CDH23: variants seen among roughly 807,000 people sequenced by gnomAD.
The protein encoded by CDH23 is cadherin related 23.
In CDH23, 189 loss-of-function variants were observed where a neutral mutation model predicts 317.1. The observed-to-expected ratio is 0.60, with a 90% confidence interval of 0.53 to 0.67. The LOEUF (loss-of-function observed/expected upper bound fraction) is 0.67, where lower values mean the gene tolerates loss of function less well. Among genes scored for constraint, CDH23 ranks in the 30% least tolerant of loss-of-function variants. The pLI is 0.00. For missense variants in CDH23, 4,401 were observed against 4,592.4 expected (o/e 0.96, Z 1.20); for synonymous variants, 1,839 against 1,876.8 (o/e 0.98, Z 0.52).
intron 14 of CDH23, 28 bp from the exon 15 acceptor site, chr10:71,675,084 T>C (rs765863728): frequency 3.1e-6 from 5 of 1,609,412 alleles, no homozygotes; most frequent in Non-Finnish European, 4.3e-6. Context: ...GGCCTGGCAG[T>C]AATGACTTCT....
intron 18 of CDH23, among the ~76,000 whole-genome samples, chr10:71,687,305 G>A (rs1014949661): frequency 6.6e-6 from 1 of 152,310 alleles, no homozygotes; most frequent in South Asian, 2.1e-4. Flanking sequence ...GTGAGTGCTG[G>A]AGTGAGCCTG....
intron 6 of CDH23, among the ~76,000 whole-genome samples, chr10:71,523,705 A>G (rs555882196): frequency 1.3e-5 from 2 of 152,288 alleles, no homozygotes; most frequent in East Asian, 3.9e-4. Flanking sequence ...GAGGGTAGAG[A>G]GGCTCATTCA....
At chr10:71,733,299 C>A (rs1198088108) in intron 32 of CDH23, among the ~76,000 whole-genome samples, 1 of 152,188 alleles carries the variant, frequency 6.6e-6, no homozygotes, top group East Asian at 1.9e-4. Flanking sequence ...CCAGGCACCC[C>A]TACATGTTCA....
intron 14 of CDH23, among the ~76,000 whole-genome samples, chr10:71,658,215 T>A (rs754068071): frequency 3.4e-4 from 52 of 151,504 alleles, no homozygotes; most frequent in Non-Finnish European, 6.6e-4. Context: ...GAAACCTAAA[T>A]GGCGTGGAGT....
chr10:71,524,098 A>G (rs1854875293), intron 6 of CDH23, among the ~76,000 whole-genome samples: 1 of 152,238 alleles, frequency 6.6e-6, no homozygotes, highest in Non-Finnish European at 1.5e-5. Context: ...TCAGAGCAGC[A>G]GAGCTTCTAT....
chr10:71,716,090 C>T (rs1866213507), intron 28 of CDH23: 1 of 1,531,618 alleles, frequency 6.5e-7, no homozygotes, highest in South Asian at 1.2e-5. Context: ...CTGGGGCTCA[C>T]TGGGGCTCCC....
chr10:71,809,962 G>C lies in CDH23; in HGVS notation c.8865G>C (p.Gln2955His). 1 of 1,612,316 alleles carries C rather than the reference G, an allele frequency of 6.2e-7. No individual in the cohort carries two copies. The highest frequency in any genetic ancestry group is 8.5e-7 in the Non-Finnish European group (1 of 1,179,886). ...GCATCTACATCCTGAGGGACGACCA[G>C]CGCGTCAAGATCGTCATTAACGAGA... The part of the protein sequence containing the change: ...IIGIYILRDD[Q>H]RVKIVINEIP... The change falls in exon 61 of 70, where the codon CAG (glutamine) becomes CAC (histidine). Residue 2955 changes from glutamine (Q) to histidine (H), a missense_variant. By Grantham distance (24) the Gln-to-His change is conservative. Around this residue, in one of 3 missense-constraint regions of CDH23, gnomAD observed 1,144 missense variants for 1,138.2 expected, o/e 1.01. Coordinates refer to ENST00000224721, the MANE Select transcript of CDH23 (RefSeq NM_022124.6).
At chr10:71,741,572 T>C (rs1486102425) in intron 37 of CDH23, 122 bp from the exon 38 acceptor site, 1 of 740,594 alleles carries the variant, frequency 1.4e-6, no homozygotes, top group Non-Finnish European at 2.3e-6. Flanking sequence ...ATCATTGCTC[T>C]GGGGTAGATG....
chr10:71,802,792 G>C, intron 53 of CDH23, 106 bp from the exon 54 acceptor site: 2 of 1,203,248 alleles, frequency 1.7e-6, no homozygotes, highest in Admixed American at 1.9e-5. Flanking sequence ...TCCCTCCCAG[G>C]CTGGTGCCTG....
At position 71,487,518 on chromosome 10, in the gene CDH23, G is replaced by A. The variant is rs111867605; in HGVS notation, c.146-22564G>A. On this transcript the variant is annotated intron_variant, in intron 3 of 69. Coordinates refer to ENST00000224721, the MANE Select transcript of CDH23 (RefSeq NM_022124.6). ...TTCTTGCAAAGGGCTGGATGGGTAG[G>A]AGGCTCTGTGTTCCTTTTGAATTTT... Among the ~76,000 whole-genome samples the A allele has an allele frequency of 6.4e-3, 972 of 152,302 alleles. 12 individuals carry two copies. The highest frequency in any genetic ancestry group is 0.022 in the African/African-American group (921 of 41,544).
intron 28 of CDH23, chr10:71,714,299 C>A (rs1371492698): frequency 6.6e-6 from 1 of 151,980 alleles, no homozygotes; most frequent in African/African-American, 2.4e-5. Context: ...AGGGTGGGGA[C>A]ACACCCAGGC....
rs747533863 is a variant in CDH23 at position 71,677,618 on chromosome 10, C to T, written c.1677C>T (p.Pro559=). Reference sequence around the variant, plus strand: ...TGTTGGATGTCAACGACAACGTGCCCACCTTCCAGAAGGATGCCTACGTGG... The same window carrying T: ...TGTTGGATGTCAACGACAACGTGCCTACCTTCCAGAAGGATGCCTACGTGG... ...INVLDVNDNV[P]TFQKDAYVGA... is the part of the protein sequence containing the mutation. The change falls in exon 16 of 70, where the codon CCC becomes CCT. Residue 559 remains proline, a synonymous_variant. Transcript: ENST00000224721. The T allele has an allele frequency of 4.4e-6, 7 of 1,601,630 alleles. No homozygotes were observed. In the East Asian group the frequency reaches 1.6e-4, roughly 36 times the overall value.
intron 9 of CDH23, among the ~76,000 whole-genome samples, chr10:71,579,898 G>A (rs1039264857): frequency 3.3e-5 from 5 of 152,192 alleles, no homozygotes; most frequent in East Asian, 3.8e-4. Context: ...AGGACAGAGC[G>A]GCAGCAGGAA....
At chr10:71,484,061 G>A (rs1335029314) in intron 3 of CDH23, among the ~76,000 whole-genome samples, 1 of 152,190 alleles carries the variant, frequency 6.6e-6, no homozygotes, top group Non-Finnish European at 1.5e-5. Context: ...CGGCCACAGC[G>A]TGCAGCTGTG....
chr10:71,778,150 C>G, intron 39 of CDH23, 39 bp from the exon 40 acceptor site: 2 of 1,612,564 alleles, frequency 1.2e-6, no homozygotes, highest in Non-Finnish European at 1.7e-6. Flanking sequence ...AGACCTACCA[C>G]CCCTAGATCC....
In CDH23 at chr10:71,599,160, A is replaced by C. The variant is rs192648204; in HGVS notation, c.833-16344A>C. Reference sequence around the variant, plus strand: ...ACACCCCCATGTATTCACCACCCTGATAACATTTGTTGACATTTTGCCATA... The same window carrying C: ...ACACCCCCATGTATTCACCACCCTGCTAACATTTGTTGACATTTTGCCATA... On this transcript the variant is annotated intron_variant, in intron 9 of 69. Transcript: ENST00000224721. 2.4e-3 allele frequency among the ~76,000 whole-genome samples: 364 copies of C among 152,338 alleles called. 2 individuals are homozygous for C. Among genetic ancestry groups the C allele is most frequent in the Non-Finnish European group, 4.2e-3 (285 of 68,038 alleles).
At position 71,652,067 on chromosome 10, in the gene CDH23, C is replaced by G. The variant is rs149884936; in HGVS notation, c.1449+5450C>G. On this transcript the variant is annotated intron_variant, in intron 14 of 69. Coordinates refer to ENST00000224721, the MANE Select transcript of CDH23 (RefSeq NM_022124.6). Reference sequence around the variant, plus strand: ...ACTTCAGACAAGACAGGCTTCTTCCCCAGTCGGAGGAAGCCAAGAAAGGAG... The same window carrying G: ...ACTTCAGACAAGACAGGCTTCTTCCGCAGTCGGAGGAAGCCAAGAAAGGAG... Among the ~76,000 whole-genome samples the G allele has an allele frequency of 7.2e-5, 11 of 152,298 alleles. No individual in the cohort carries two copies. In the East Asian group the frequency reaches 2.1e-3, roughly 29 times the overall value.
intron 11 of CDH23, among the ~76,000 whole-genome samples, chr10:71,639,981 G>A (rs534537456): frequency 1.3e-5 from 2 of 152,294 alleles, no homozygotes; most frequent in South Asian, 2.1e-4. Flanking sequence ...GAGGGTCTTA[G>A]GACATGTGTC....
At chr10:71,763,889 CT>C (rs1296563309) in intron 38 of CDH23, among the ~76,000 whole-genome samples, 1 of 152,188 alleles carries the variant, frequency 6.6e-6, no homozygotes, top group African/African-American at 2.4e-5. Flanking sequence ...CTGATAACAA[CT>C]TGTGATCCGA....
Sources: allele counts gnomAD v4.1 joint callset (sites outside exome capture counted in the v4.1 genomes callset), GRCh38; gene constraint gnomAD v4.1.1; regional missense constraint gnomAD v4.1.1; transcripts MANE v1.5; gene names NCBI Gene and HGNC (gene_info 2026-07-23, HGNC 2026-07-21).